ELAVL2: variants seen among roughly 807,000 people sequenced by gnomAD.
ELAVL2 encodes the protein ELAV like RNA binding protein 2.
A neutral mutation model predicts 34.6 loss-of-function variants in ELAVL2; 4 were observed. The observed-to-expected ratio is 0.12, with a 90% CI of 0.06 to 0.26. The LOEUF is 0.26. Ranked by LOEUF, ELAVL2 falls within the 10% of genes least tolerant of loss-of-function variation. The probability of loss-of-function intolerance (pLI) is 1.00; values close to 1 mark genes in which losing one functional copy is unlikely to be tolerated. For synonymous variants in ELAVL2, 193 were observed against 154.8 expected (o/e 1.25, Z -1.83); for missense variants, 432 against 442.8 (o/e 0.98, Z 0.22).
chr9:23,784,012 G>A (rs189054447), intron 1 of ELAVL2, among the ~76,000 whole-genome samples: 1 of 151,916 alleles, frequency 6.6e-6, no homozygotes, highest in South Asian at 2.1e-4. Context: ...GGCTAACACG[G>A]TGAAACCCCG....
chr9:23,801,501 T>C (rs1387115689), intron 1 of ELAVL2, among the ~76,000 whole-genome samples: 4 of 152,160 alleles, frequency 2.6e-5, no homozygotes, highest in Non-Finnish European at 4.4e-5. Context: ...TTCAGACAAG[T>C]AAATTTCTTG....
chr9:23,793,521 C>T (rs768814299), intron 1 of ELAVL2, among the ~76,000 whole-genome samples: 1 of 152,042 alleles, frequency 6.6e-6, no homozygotes, highest in Non-Finnish European at 1.5e-5. Context: ...CACCTAAATC[C>T]CAGCAACAAA....
chr9:23,824,049 G>A (rs1017751410), intron 1 of ELAVL2, among the ~76,000 whole-genome samples: 12 of 152,156 alleles, frequency 7.9e-5, no homozygotes, highest in Non-Finnish European at 1.5e-4. Context: ...CGGGGAGAAA[G>A]TACAGAGACC....
At chr9:23,803,952 C>A (rs1554758805) in intron 1 of ELAVL2, among the ~76,000 whole-genome samples, 1 of 152,122 alleles carries the variant, frequency 6.6e-6, no homozygotes, top group Non-Finnish European at 1.5e-5. Flanking sequence ...CACCCAACGA[C>A]CATGCACAAC....
intron 1 of ELAVL2, among the ~76,000 whole-genome samples, chr9:23,822,853 C>T (rs146942531): frequency 4.5e-4 from 69 of 152,042 alleles, no homozygotes; most frequent in Admixed American, 1.4e-3. Flanking sequence ...GCTTCAAGGG[C>T]ATGATGCAGG....
chr9:23,794,511 T>C (rs1455364023), intron 1 of ELAVL2, among the ~76,000 whole-genome samples: 1 of 152,226 alleles, frequency 6.6e-6, no homozygotes, highest in African/African-American at 2.4e-5. Flanking sequence ...CCCTAATCCA[T>C]ACTGGATAGA....
chr9:23,762,057 C>A lies in ELAVL2; in HGVS notation c.178G>T (p.Gly60Trp). The A allele has an allele frequency of 6.2e-7, 1 of 1,613,306 alleles. No homozygotes were observed. The highest frequency in any genetic ancestry group is 8.5e-7 in the Non-Finnish European group (1 of 1,179,516). ...CAGGACTCTATTTCACCAATGCTCC[C>A]AAAGAGACTCTTTAGTTCCTCCTGT... The part of the protein sequence containing the change: ...MTQEELKSLF[G>W]SIGEIESCKL... Residue 60 changes from glycine to tryptophan, a missense_variant, in exon 2 of 7, where the codon GGG becomes TGG. Coordinates refer to ENST00000397312, the MANE Select transcript of ELAVL2 (RefSeq NM_004432.5).
rs1439369944 is a variant in ELAVL2 at position 23,721,946 on chromosome 9, A to C, written c.333+9076T>G. Among the ~76,000 whole-genome samples the C allele has an allele frequency of 2.0e-5, 3 of 152,176 alleles. No homozygotes were observed. The East Asian group carries it at 5.8e-4, about 29-fold the overall frequency. On this transcript the variant is annotated intron_variant, in intron 3 of 6. Coordinates refer to ENST00000397312, the MANE Select transcript of ELAVL2 (RefSeq NM_004432.5). The stretch of plus-strand genomic sequence containing the variant: ...GCTACTAGTAGTTAGGTTTTTGAGG[A>C]GTCAAAAGTTAGACTTTTTGCTATA...
intron 2 of ELAVL2, among the ~76,000 whole-genome samples, chr9:23,749,588 C>A (rs764541771): frequency 2.6e-4 from 40 of 151,910 alleles, no homozygotes; most frequent in Non-Finnish European, 5.7e-4. Context: ...TGGAGAGAAC[C>A]CCTAAATGTT....
At chr9:23,718,173 A>G (rs1025369791) in intron 3 of ELAVL2, among the ~76,000 whole-genome samples, 5 of 152,174 alleles carry the variant, frequency 3.3e-5, no homozygotes, top group African/African-American at 1.2e-4. Flanking sequence ...TATTTTAAAA[A>G]TAGGATTCCT....
chr9:23,775,489 C>G (rs905168805), intron 1 of ELAVL2, among the ~76,000 whole-genome samples: 1 of 152,190 alleles, frequency 6.6e-6, no homozygotes, highest in Non-Finnish European at 1.5e-5. Context: ...GAAATCAGTG[C>G]TGAGACCCCA....
At chr9:23,788,767 G>A (rs1057285558) in intron 1 of ELAVL2, among the ~76,000 whole-genome samples, 1 of 152,142 alleles carries the variant, frequency 6.6e-6, no homozygotes, top group South Asian at 2.1e-4. Flanking sequence ...TACCTCGAAA[G>A]TCAATCTTAT....
chr9:23,782,681 A>G (rs1438762241), intron 1 of ELAVL2, among the ~76,000 whole-genome samples: 1 of 152,196 alleles, frequency 6.6e-6, no homozygotes, highest in Non-Finnish European at 1.5e-5. Context: ...CCTGAAGACA[A>G]TTAGCGTACG....
the ELAVL2 span, among the ~76,000 whole-genome samples, chr9:23,838,458 C>G: frequency 2.2e-4 from 33 of 151,978 alleles, no homozygotes; most frequent in African/African-American, 8.0e-4. Flanking sequence ...AGTTTATAAA[C>G]AAAATAATAT....
At chr9:23,707,913 T>C (rs1270158129) in intron 3 of ELAVL2, among the ~76,000 whole-genome samples, 1 of 152,188 alleles carries the variant, frequency 6.6e-6, no homozygotes, top group Non-Finnish European at 1.5e-5. Context: ...TGCAGTGACA[T>C]TCACTGCTTT....
intron 2 of ELAVL2, among the ~76,000 whole-genome samples, chr9:23,751,293 A>T (rs2051950958): frequency 6.6e-6 from 1 of 152,210 alleles, no homozygotes. Flanking sequence ...CAATATGCAT[A>T]AGGATTTAAC....
chr9:23,742,456 G>T (rs968695120), intron 2 of ELAVL2, among the ~76,000 whole-genome samples: 6 of 152,184 alleles, frequency 3.9e-5, no homozygotes, highest in African/African-American at 1.4e-4. Context: ...ACAATATGGT[G>T]ACATCAAGTT....
At chr9:23,723,428 G>A (rs574346854) in intron 3 of ELAVL2, among the ~76,000 whole-genome samples, 393 of 152,084 alleles carry the variant, frequency 2.6e-3, no homozygotes, top group Non-Finnish European at 4.4e-3. Flanking sequence ...TTGTGGGGAC[G>A]GGGGAGGGAT....
chr9:23,719,408 G>C (rs774532584), intron 3 of ELAVL2, among the ~76,000 whole-genome samples: 2 of 152,146 alleles, frequency 1.3e-5, no homozygotes, highest in African/African-American at 4.8e-5. Flanking sequence ...TTGTGCACCA[G>C]GATATACATA....
Sources: allele counts gnomAD v4.1 joint callset (sites outside exome capture counted in the v4.1 genomes callset), GRCh38; gene constraint gnomAD v4.1.1; transcripts MANE v1.5; gene names NCBI Gene and HGNC (gene_info 2026-07-23, HGNC 2026-07-21).